The following HAUS5 variants were observed in gnomAD, a reference collection of about 807,000 sequenced individuals.
The protein encoded by HAUS5 is HAUS augmin-like complex subunit 5.
A neutral mutation model predicts 94.1 loss-of-function variants in HAUS5; 67 were observed. The ratio of observed to expected loss-of-function variants is 0.71; its 90% CI spans 0.58 to 0.87. HAUS5 has a LOEUF of 0.87. Among genes scored for constraint, HAUS5 ranks in the 40% least tolerant of loss-of-function variants. The pLI, the probability that HAUS5 is intolerant of heterozygous loss-of-function variation, is 0.00. For missense variants in HAUS5, 739 were observed against 825.6 expected (o/e 0.90, Z 1.29); for synonymous variants, 339 against 355.4 (o/e 0.95, Z 0.52).
rs371815199 is a variant in HAUS5 at position 35,618,984 on chromosome 19, C to A, written c.1114C>A (p.Arg372=). Reference sequence around the variant, plus strand: ...GGAGCTGCAGGATGCAGCTGGGCATCGGCAGCTCCTGCTGAGGGAGCTACA... The same window carrying A: ...GGAGCTGCAGGATGCAGCTGGGCATAGGCAGCTCCTGCTGAGGGAGCTACA... ...SQELQDAAGH[R]QLLLRELQAK... is the part of the protein sequence containing the mutation. Residue 372 remains arginine, a synonymous_variant, in exon 13 of 19, where the codon CGG becomes AGG. Coordinates refer to ENST00000203166, the MANE Select transcript of HAUS5 (RefSeq NM_015302.2). The A allele has an allele frequency of 1.9e-5, 31 of 1,613,020 alleles. No individual in the cohort carries two copies. In the African/African-American group the frequency reaches 3.9e-4, roughly 20 times the overall value.
At chr19:35,618,720 A>T (rs906352507) in intron 12 of HAUS5, 21 bp downstream of exon 12, 1 of 1,564,384 alleles carries the variant, frequency 6.4e-7, no homozygotes, top group Non-Finnish European at 8.7e-7. Context: ...CTCCGAGAAG[A>T]GGTCTCTAGG....
chr19:35,614,745 C>T (rs972425882), intron 4 of HAUS5, among the ~76,000 whole-genome samples: 3 of 151,912 alleles, frequency 2.0e-5, no homozygotes, highest in Non-Finnish European at 2.9e-5. Context: ...TCATATGACA[C>T]CTAAGGGGAG....
rs981679076 is a variant in HAUS5 at position 35,624,408 on chromosome 19, T to G, written c.*1415T>G. Reference sequence around the variant, plus strand: ...GCATGAGCCACCGCGCCTGACCACATTGCCATATCTGAAATGGCTGGATTC... The same window carrying G: ...GCATGAGCCACCGCGCCTGACCACAGTGCCATATCTGAAATGGCTGGATTC... On this transcript the variant is annotated 3_prime_UTR_variant, in exon 19 of 19. Coordinates refer to ENST00000203166, the MANE Select transcript of HAUS5 (RefSeq NM_015302.2). 6 of 152,038 alleles carry G rather than the reference T, an allele frequency of 3.9e-5. No individual in the cohort carries two copies. The highest frequency in any genetic ancestry group is 1.5e-4 in the African/African-American group (6 of 41,368). The allele number at this position is 152,038 out of a possible 1,614,324, so 9.4% of individuals were successfully genotyped here. A position where few individuals can be genotyped will look rare whatever the true frequency, so the allele number is the denominator to read the frequency against.
At chr19:35,614,822 T>C (rs551613466) in intron 4 of HAUS5, among the ~76,000 whole-genome samples, 2 of 152,016 alleles carry the variant, frequency 1.3e-5, no homozygotes, top group Admixed American at 6.6e-5. Flanking sequence ...GGGACAAAGA[T>C]GTGGTTGTCA....
Position 35,620,232 on chromosome 19 carries a change from G to T in HAUS5, c.1556G>T (p.Arg519Leu). Residue 519 changes from arginine (R) to leucine (L), a missense_variant, in exon 17 of 19, where the codon CGC becomes CTC. Coordinates refer to ENST00000203166, the MANE Select transcript of HAUS5 (RefSeq NM_015302.2). ...ELLLPAAASLRQDLLLLQDQR... is the reference protein window; with the variant it reads ...ELLLPAAASLLQDLLLLQDQR... Reference sequence around the variant, plus strand: ...CTCCTGCCGGCGGCTGCCTCTCTTCGCCAGGACCTTCTGCTCCTGCAGGAC... The same window carrying T: ...CTCCTGCCGGCGGCTGCCTCTCTTCTCCAGGACCTTCTGCTCCTGCAGGAC... 6.2e-7 allele frequency: 1 copy of T among 1,613,536 alleles called. No individual in the cohort carries two copies. Among genetic ancestry groups the T allele is most frequent in the Non-Finnish European group, 8.5e-7 (1 of 1,179,908 alleles).
In HAUS5 at chr19:35,623,011, A is replaced by T. The variant is rs748278789; in HGVS notation, c.*18A>T. 1.3e-6 allele frequency: 2 copies of T among 1,531,860 alleles called. No individual in the cohort carries two copies. The highest frequency in any genetic ancestry group is 1.1e-5 in the South Asian group (1 of 88,586). The allele number at this position is 1,531,860 out of a possible 1,614,324, so 94.9% of individuals were successfully genotyped here. A position where few individuals can be genotyped will look rare whatever the true frequency, so the allele number is the denominator to read the frequency against. On this transcript the variant is annotated 3_prime_UTR_variant, in exon 19 of 19. Transcript: ENST00000203166. ...GCAGCTGAAGAGAGGGTTCAAACGG[A>T]AGCCGAGAACTTGACACTGTTCACC...
At chr19:35,622,181 G>A (rs1414750086) in intron 17 of HAUS5, among the ~76,000 whole-genome samples, 2 of 152,096 alleles carry the variant, frequency 1.3e-5, no homozygotes, top group East Asian at 3.9e-4. Context: ...AGGAGGGAGA[G>A]CATCAAATTT....
At chr19:35,614,148 C>A in intron 4 of HAUS5, 89 bp downstream of exon 4, 2 of 1,194,286 alleles carry the variant, frequency 1.7e-6, no homozygotes, top group Non-Finnish European at 1.2e-6. Flanking sequence ...CTGGGTGATG[C>A]TGGGGACAAT....
rs1215201952 is a variant in HAUS5 at position 35,623,973 on chromosome 19, C to T, written c.*980C>T. The T allele has an allele frequency of 6.6e-6, 1 of 152,108 alleles. No individual in the cohort carries two copies. The highest frequency in any genetic ancestry group is 1.5e-5 in the Non-Finnish European group (1 of 68,020). The allele number at this position is 152,108 out of a possible 1,614,324, so 9.4% of individuals were successfully genotyped here. On this transcript the variant is annotated 3_prime_UTR_variant, in exon 19 of 19. Transcript: ENST00000203166. ...GCCACCTTTTTATGCACTAAATTTC[C>T]ATGTTTAATTGGGTTATATCTGGCT... is the stretch of plus-strand genomic sequence containing the variant.
intron 4 of HAUS5, 102 bp downstream of exon 4, chr19:35,614,161 G>A (rs2071920577): frequency 9.8e-7 from 1 of 1,021,052 alleles, no homozygotes; most frequent in African/African-American, 1.6e-5. Flanking sequence ...GGGACAATGG[G>A]TCACAAGACA....
Position 35,615,289 on chromosome 19 carries a change from C to G in HAUS5, c.388C>G (p.Arg130Gly), listed in dbSNP as rs143470242. 1.2e-6 allele frequency: 2 copies of G among 1,613,820 alleles called. No homozygotes were observed. The highest frequency in any genetic ancestry group is 4.5e-5 in the East Asian group (2 of 44,894). The change falls in exon 6 of 19, where the codon CGG becomes GGG. Residue 130 changes from arginine to glycine, a missense_variant. Physicochemically the swap from Arg to Gly is moderately radical, Grantham distance 125 (BLOSUM62 -2). Transcript: ENST00000203166. Reference sequence around the variant, plus strand: ...CACCCAGCGTCGAGCTCTCCTCCTCCGGGCCCAAGCTGGGGCCATGCGAAG... The same window carrying G: ...CACCCAGCGTCGAGCTCTCCTCCTCGGGGCCCAAGCTGGGGCCATGCGAAG... ...QDTQRRALLL[R>G]AQAGAMRRQQ... is the part of the protein sequence containing the mutation.
intron 1 of HAUS5, 116 bp downstream of exon 1, chr19:35,613,008 C>T (rs1040913816): frequency 1.7e-5 from 13 of 752,628 alleles, no homozygotes; most frequent in Non-Finnish European, 8.1e-6. Context: ...GAGAGTGACC[C>T]GACTTACTGA....
At chr19:35,618,302 A>AC in intron 10 of HAUS5, 100 bp from the exon 11 acceptor site, 11 of 1,601,742 alleles carry the variant, frequency 6.9e-6, no homozygotes, top group Non-Finnish European at 9.4e-6. Context: ...TAGAACTGAA[A>AC]CCCACTGCCT....
At position 35,617,287 on chromosome 19, in the gene HAUS5, C is replaced by A. The variant is rs370787544; in HGVS notation, c.556C>A (p.Arg186Ser). ...AALGLEPVVL[R>S]DVRTACTLRA... ...GGTCCCTTCCTCCTCTTCTCCCTAG[C>A]GTGATGTCCGAACAGCCTGCACCCT... Residue 186 changes from arginine to serine, a missense_variant and splice_region_variant, in exon 8 of 19, where the codon CGT becomes AGT. Transcript: ENST00000203166. The A allele has an allele frequency of 1.4e-4, 229 of 1,613,106 alleles. No homozygotes were observed. The highest frequency in any genetic ancestry group is 1.8e-4 in the Non-Finnish European group (208 of 1,179,224).
At chr19:35,617,958 G>A in intron 9 of HAUS5, 46 bp downstream of exon 9, 2 of 1,610,236 alleles carry the variant, frequency 1.2e-6, no homozygotes, top group Admixed American at 1.7e-5. Flanking sequence ...CCCGCTCCTT[G>A]ATCAAAACTT....
At chr19:35,615,580 T>G (rs938445011) in intron 6 of HAUS5, among the ~76,000 whole-genome samples, 194 bp downstream of exon 6, 2 of 152,190 alleles carry the variant, frequency 1.3e-5, no homozygotes, top group African/African-American at 4.8e-5. Flanking sequence ...CCTGTATACC[T>G]AGAACACCAG....
Position 35,620,705 on chromosome 19 carries a change from C to T in HAUS5, c.1651+378C>T, listed in dbSNP as rs570467091. The stretch of plus-strand genomic sequence containing the variant: ...TTCAAAGCCTGGGAATCCTCTCTGC[C>T]GTCTCTTCCTAGCTGTGTGGCCTCC... On this transcript the variant is annotated intron_variant, in intron 17 of 18. Coordinates refer to ENST00000203166, the MANE Select transcript of HAUS5 (RefSeq NM_015302.2). 2.6e-5 allele frequency among the ~76,000 whole-genome samples: 4 copies of T among 152,322 alleles called. No individual in the cohort carries two copies. In the East Asian group the frequency reaches 7.7e-4, roughly 29 times the overall value.
intron 10 of HAUS5, 50 bp from the exon 11 acceptor site, chr19:35,618,352 C>A (rs1161143227): frequency 6.2e-7 from 1 of 1,609,758 alleles, no homozygotes; most frequent in East Asian, 2.2e-5. Flanking sequence ...CCTCGAGTAC[C>A]AAGGCAAGGC....
In HAUS5 at chr19:35,618,167, G is replaced by T. The variant is rs2146338027; in HGVS notation, c.793G>T (p.Asp265Tyr). The T allele has an allele frequency of 6.2e-7, 1 of 1,607,680 alleles. No individual in the cohort carries two copies. Among genetic ancestry groups the T allele is most frequent in the East Asian group, 2.2e-5 (1 of 44,792 alleles). Residue 265 changes from aspartate (D) to tyrosine (Y), a missense_variant, in exon 10 of 19, where the codon GAT (aspartate) becomes TAT (tyrosine). Physicochemically the swap from Asp to Tyr is radical, Grantham distance 160. Coordinates refer to ENST00000203166, the MANE Select transcript of HAUS5 (RefSeq NM_015302.2). ...AGAGATTCGGTCCCTGTGCAGTGGGGATGGGCTTGGCGACACAGAGATATC... is the reference window on the plus strand; with the variant it reads ...AGAGATTCGGTCCCTGTGCAGTGGGTATGGGCTTGGCGACACAGAGATATC... ...EAEIRSLCSG[D>Y]GLGDTEISRP...
Sources: allele counts gnomAD v4.1 joint callset (sites outside exome capture counted in the v4.1 genomes callset), GRCh38; gene constraint gnomAD v4.1.1; transcripts MANE v1.5; gene names NCBI Gene and HGNC (gene_info 2026-07-23, HGNC 2026-07-21).